Variants in PCDHGA1 observed in about 807,000 individuals in gnomAD.
PCDHGA1 encodes the protein protocadherin gamma subfamily A, 1, also known as protocadherin gamma-A1.
PCDHGA1 carries 32 observed loss-of-function variants against 58.0 expected under a neutral mutation model. That is an observed-to-expected ratio of 0.55 (90% CI 0.42 to 0.74). The LOEUF (loss-of-function observed/expected upper bound fraction) is 0.74. Among genes scored for constraint, PCDHGA1 ranks in the 30% least tolerant of loss-of-function variants. The pLI is 0.00. For synonymous variants in PCDHGA1, 498 were observed against 501.1 expected (o/e 0.99, Z 0.08); for missense variants, 1,205 against 1,182.3 (o/e 1.02, Z -0.28).
In PCDHGA1 at chr5:141,431,771, C is replaced by G. The variant is rs1175712662; in HGVS notation, c.2422-63036C>G. 1.2e-6 allele frequency: 2 copies of G among 1,614,214 alleles called. No homozygotes were observed. Among genetic ancestry groups the G allele is most frequent in the Non-Finnish European group, 8.5e-7 (1 of 1,180,034 alleles). The stretch of plus-strand genomic sequence containing the variant: ...GCGAGCCAAAGTCCTGATCACTGTT[C>G]TGGACGTGAACGACAATGCCCCAGA... On this transcript the variant is annotated intron_variant, in intron 1 of 3. Coordinates refer to ENST00000517417, the MANE Select transcript of PCDHGA1 (RefSeq NM_018912.3). The surrounding 1 kb of genome is among the most constrained non-coding windows in gnomAD (Gnocchi z 4.8).
rs1429603639 is a variant in PCDHGA1 at position 141,415,751 on chromosome 5, T to TTG, written c.2422-79055_2422-79054insGT. 7.1e-5 allele frequency: 95 copies of TTG among 1,328,716 alleles called. No homozygotes were observed. The African/African-American group carries it at 1.1e-3, about 15-fold the overall frequency. 82.3% of individuals were successfully genotyped at this position (1,328,716 alleles called of 1,614,324 possible). Reference sequence around the variant, plus strand: ...TGATGTTTATTAAGGTTTTTTTTTTTTTTTTTTTTTTTTTTTTTTTTACTT... The same window carrying TTG: ...TGATGTTTATTAAGGTTTTTTTTTTTTGTTTTTTTTTTTTTTTTTTTTTACTT... On this transcript the variant is annotated intron_variant, in intron 1 of 3. Coordinates refer to ENST00000517417, the MANE Select transcript of PCDHGA1 (RefSeq NM_018912.3).
At chr5:141,417,646 C>A in intron 1 of PCDHGA1, 2 of 797,870 alleles carry the variant, frequency 2.5e-6, no homozygotes, top group Non-Finnish European at 3.8e-6. Context: ...GATCCCTCAG[C>A]CTCTAGCCTG....
chr5:141,503,417 A>T (rs1431276679), intron 2 of PCDHGA1, among the ~76,000 whole-genome samples: 2 of 151,968 alleles, frequency 1.3e-5, no homozygotes, highest in Non-Finnish European at 2.9e-5. Flanking sequence ...CAATATGGTG[A>T]AACCCCATCT....
chr5:141,388,572 G>A, intron 1 of PCDHGA1: 6 of 1,613,808 alleles, frequency 3.7e-6, no homozygotes, highest in South Asian at 2.2e-5. Flanking sequence ...ACAGATACAC[G>A]TTCTAGTGAC....
At chr5:141,361,570 C>G (rs1405312992) in intron 1 of PCDHGA1, 1 of 1,613,918 alleles carries the variant, frequency 6.2e-7, no homozygotes, top group Non-Finnish European at 8.5e-7. Flanking sequence ...TGCCTCTGAC[C>G]CTGACTTGGG....
chr5:141,384,478 G>A (rs1350381914), intron 1 of PCDHGA1: 4 of 1,614,104 alleles, frequency 2.5e-6, no homozygotes, highest in Non-Finnish European at 3.4e-6. Context: ...GCAGTTGAGA[G>A]AACTACAACT....
At chr5:141,502,139 C>G (rs923501238) in intron 2 of PCDHGA1, among the ~76,000 whole-genome samples, 1 of 152,104 alleles carries the variant, frequency 6.6e-6, no homozygotes, top group Non-Finnish European at 1.5e-5. Flanking sequence ...TCAGTCGGGC[C>G]GGAAGTAAGG....
chr5:141,414,624 G>A (rs764233527), intron 1 of PCDHGA1: 5 of 1,613,814 alleles, frequency 3.1e-6, no homozygotes, highest in African/African-American at 2.7e-5. Flanking sequence ...CGCTGGACCC[G>A]GACAGCAAAG....
intron 1 of PCDHGA1, among the ~76,000 whole-genome samples, chr5:141,481,678 G>A (rs1033213047): frequency 6.6e-6 from 1 of 152,006 alleles, no homozygotes; most frequent in African/African-American, 2.4e-5. Flanking sequence ...ATCAGGCCGG[G>A]CCTGGTGGCT....
chr5:141,421,254 C>T, intron 1 of PCDHGA1: 1 of 1,607,460 alleles, frequency 6.2e-7, no homozygotes, highest in East Asian at 2.2e-5. Flanking sequence ...AGCGCGGGGA[C>T]CGCAGTCGGC....
rs372479779 is a variant in PCDHGA1, at chr5:141,399,808, C to T, written c.2421+66703C>T. On this transcript the variant is annotated intron_variant, in intron 1 of 3. Coordinates refer to ENST00000517417, the MANE Select transcript of PCDHGA1 (RefSeq NM_018912.3). The stretch of plus-strand genomic sequence containing the variant: ...CGACAACGCACCGCGGGTGCTGTAC[C>T]CCGCGCTGGGTCCCGACGGCTCTGC... 72 of 1,613,090 alleles carry T rather than the reference C, an allele frequency of 4.5e-5. No homozygotes were observed. The highest frequency in any genetic ancestry group is 6.0e-5 in the Non-Finnish European group (71 of 1,179,762).
intron 1 of PCDHGA1, chr5:141,408,965 C>A: frequency 3.1e-6 from 5 of 1,613,806 alleles, no homozygotes; most frequent in Non-Finnish European, 4.2e-6. Flanking sequence ...TAGTGAAAAT[C>A]TGCCCCCTGG....
chr5:141,362,286 C>G (rs747463615), intron 1 of PCDHGA1: 2 of 1,614,082 alleles, frequency 1.2e-6, no homozygotes, highest in Non-Finnish European at 1.7e-6. Context: ...GCCTGCGACT[C>G]TCTTCCAGGT....
intron 1 of PCDHGA1, chr5:141,388,159 G>A (rs1420782628): frequency 6.8e-7 from 1 of 1,473,814 alleles, no homozygotes; most frequent in African/African-American, 1.4e-5. Context: ...AGGCTAGACA[G>A]GGAGGAGATA....
intron 2 of PCDHGA1, among the ~76,000 whole-genome samples, chr5:141,502,564 C>T (rs2099815067): frequency 1.3e-5 from 2 of 151,774 alleles, no homozygotes; most frequent in East Asian, 1.9e-4. Context: ...CCAGATCTCT[C>T]CATTATAAAA....
intron 1 of PCDHGA1, chr5:141,385,087 G>C: frequency 6.2e-7 from 1 of 1,614,234 alleles, no homozygotes; most frequent in Non-Finnish European, 8.5e-7. Flanking sequence ...GGCTTCAGAA[G>C]GTGGCTTGGC....
At chr5:141,500,488 C>A (rs569168291) in intron 2 of PCDHGA1, among the ~76,000 whole-genome samples, 2 of 152,060 alleles carry the variant, frequency 1.3e-5, no homozygotes, top group East Asian at 3.9e-4. Flanking sequence ...GGATTACAGG[C>A]GTGAGCCACC....
intron 1 of PCDHGA1, chr5:141,365,152 C>A: frequency 6.2e-7 from 1 of 1,613,880 alleles, no homozygotes; most frequent in Non-Finnish European, 8.5e-7. Flanking sequence ...AGGGAATAAA[C>A]GGGAAATTGA....
chr5:141,370,017 C>T lies in PCDHGA1; in HGVS notation c.2421+36912C>T, dbSNP rs1160186023. Among the ~76,000 whole-genome samples the T allele has an allele frequency of 2.0e-5, 3 of 152,276 alleles. No individual in the cohort carries two copies. In the East Asian group the frequency reaches 5.8e-4, roughly 29 times the overall value. On this transcript the variant is annotated intron_variant, in intron 1 of 3. Transcript: ENST00000517417. Reference sequence around the variant, plus strand: ...AGCTCAAATTAAAAGAAATAACAGACTAAAGATATAGTAAGTATATTTAAT... The same window carrying T: ...AGCTCAAATTAAAAGAAATAACAGATTAAAGATATAGTAAGTATATTTAAT...
Sources: allele counts gnomAD v4.1 joint callset (sites outside exome capture counted in the v4.1 genomes callset), GRCh38; gene constraint gnomAD v4.1.1; non-coding constraint Gnocchi (gnomAD v3.1); transcripts MANE v1.5; gene names NCBI Gene and HGNC (gene_info 2026-07-23, HGNC 2026-07-21).